SERGEF: variants seen among roughly 807,000 people sequenced by gnomAD.
The protein encoded by SERGEF is secretion-regulating guanine nucleotide exchange factor.
In SERGEF, 51 loss-of-function variants were observed where a neutral mutation model predicts 50.0. That is an observed-to-expected ratio of 1.02 (90% CI 0.81 to 1.29). The LOEUF is 1.29. SERGEF is among the 50% of genes most tolerant of loss of function. The probability of loss-of-function intolerance (pLI) is 0.00; values close to 1 mark genes in which losing one functional copy is unlikely to be tolerated. For missense variants in SERGEF, 521 were observed against 557.0 expected, an observed-to-expected ratio of 0.94 and a Z score of 0.65; for synonymous variants, 205 against 212.4, an observed-to-expected ratio of 0.97 and a Z score of 0.30.
Position 18,008,981 on chromosome 11 carries a change from C to T in SERGEF, c.61-905G>A, listed in dbSNP as rs1013698768. 2.0e-5 allele frequency among the ~76,000 whole-genome samples: 3 copies of T among 152,102 alleles called. No homozygotes were observed. The East Asian group carries it at 5.8e-4, about 29-fold the overall frequency. On this transcript the variant is annotated intron_variant, in intron 1 of 10. Transcript: ENST00000265965. Reference sequence around the variant, plus strand: ...TCTCTGGAGCTGTGGGCAAAACTGTCTCCCCTTGTCCTTGAGTAACCACGG... The same window carrying T: ...TCTCTGGAGCTGTGGGCAAAACTGTTTCCCCTTGTCCTTGAGTAACCACGG...
chr11:17,890,698 C>T (rs1194298046), intron 9 of SERGEF, among the ~76,000 whole-genome samples: 1 of 152,174 alleles, frequency 6.6e-6, no homozygotes, highest in Admixed American at 6.5e-5. Flanking sequence ...GTTGAGATTA[C>T]AGGCATGAGC....
chr11:18,011,525 T>C (rs1348129741), intron 1 of SERGEF, among the ~76,000 whole-genome samples: 2 of 152,058 alleles, frequency 1.3e-5, no homozygotes, highest in Admixed American at 1.3e-4. Context: ...TGTGAGAAAA[T>C]AAATTTCTGT....
At chr11:17,788,882 C>T (rs889858680) in intron 10 of SERGEF, among the ~76,000 whole-genome samples, 1 of 152,232 alleles carries the variant, frequency 6.6e-6, no homozygotes, top group African/African-American at 2.4e-5. Context: ...CAAAGAGCAT[C>T]AAGACAATCT....
chr11:17,897,588 T>A (rs1211913764), intron 9 of SERGEF, among the ~76,000 whole-genome samples: 1 of 152,140 alleles, frequency 6.6e-6, no homozygotes, highest in Non-Finnish European at 1.5e-5. Context: ...ACAACATGGA[T>A]GAATCTCAAA....
At chr11:17,931,791 T>G (rs1852357007) in intron 9 of SERGEF, among the ~76,000 whole-genome samples, 1 of 152,178 alleles carries the variant, frequency 6.6e-6, no homozygotes, top group Non-Finnish European at 1.5e-5. Flanking sequence ...CCTGGGAACT[T>G]GTTAGAAACC....
chr11:17,870,623 T>G (rs1169440687), intron 10 of SERGEF, among the ~76,000 whole-genome samples: 1 of 152,236 alleles, frequency 6.6e-6, no homozygotes, highest in African/African-American at 2.4e-5. Context: ...CCATTAATTT[T>G]ATGGTAATTT....
chr11:17,941,998 T>C (rs1170042576), intron 9 of SERGEF, among the ~76,000 whole-genome samples: 1 of 148,480 alleles, frequency 6.7e-6, no homozygotes, highest in Non-Finnish European at 1.5e-5. Flanking sequence ...TTGTTGTTGC[T>C]GAGACCTTGT....
chr11:17,927,943 G>A (rs1190362096), intron 9 of SERGEF, among the ~76,000 whole-genome samples: 1 of 152,238 alleles, frequency 6.6e-6, no homozygotes, highest in Non-Finnish European at 1.5e-5. Flanking sequence ...GTGATTAGAA[G>A]CAGCTGGCTA....
rs572140147 is a variant in SERGEF at position 17,903,936 on chromosome 11, C to T, written c.1012-25692G>A. 2.5e-4 allele frequency among the ~76,000 whole-genome samples: 38 copies of T among 152,364 alleles called. No individual in the cohort carries two copies. In the South Asian group the frequency reaches 7.9e-3, roughly 32 times the overall value. On this transcript the variant is annotated intron_variant, in intron 9 of 10. Transcript: ENST00000265965. ...AGGTAACAGCCATCAACTATGAACA[C>T]TATAATCCCTCCTTCACCTTGGCCG...
chr11:18,004,294 C>A, intron 4 of SERGEF, 147 bp downstream of exon 4: 1 of 540,654 alleles, frequency 1.8e-6, no homozygotes, highest in Non-Finnish European at 3.2e-6. Context: ...CTTAATTTTT[C>A]CCAGAAGGAC....
intron 10 of SERGEF, among the ~76,000 whole-genome samples, chr11:17,793,258 A>C (rs1008287836): frequency 6.6e-6 from 1 of 152,204 alleles, no homozygotes; most frequent in African/African-American, 2.4e-5. Context: ...GAGAAGGTCT[A>C]AAGTAGAATG....
At chr11:17,832,273 T>A (rs1850321909) in intron 10 of SERGEF, among the ~76,000 whole-genome samples, 2 of 152,126 alleles carry the variant, frequency 1.3e-5, no homozygotes. Flanking sequence ...TCTCATGAGA[T>A]CTGATGGTTT....
chr11:17,824,966 A>G (rs1426679951), intron 10 of SERGEF, among the ~76,000 whole-genome samples: 1 of 152,220 alleles, frequency 6.6e-6, no homozygotes, highest in South Asian at 2.1e-4. Context: ...CAATGTGCAC[A>G]CACTTTCTTA....
At position 17,974,840 on chromosome 11, in the gene SERGEF, G is replaced by A. The variant is rs924889419; in HGVS notation, c.844+13757C>T. 6.6e-5 allele frequency among the ~76,000 whole-genome samples: 10 copies of A among 152,304 alleles called. No homozygotes were observed. The East Asian group carries it at 1.7e-3, about 26-fold the overall frequency. The stretch of plus-strand genomic sequence containing the variant: ...CCCTGATATTAATTGGTGCTGTAAC[G>A]TTTTAAAGTTTTAGCATTCTAAAAA... On this transcript the variant is annotated intron_variant, in intron 8 of 10. Transcript: ENST00000265965.
chr11:17,851,787 C>T (rs1850720013), intron 10 of SERGEF, among the ~76,000 whole-genome samples: 2 of 152,090 alleles, frequency 1.3e-5, no homozygotes, highest in Non-Finnish European at 2.9e-5. Flanking sequence ...GGTGACTGTG[C>T]TGGACACTAA....
chr11:17,941,492 C>G (rs554278718), intron 9 of SERGEF, among the ~76,000 whole-genome samples: 5 of 152,256 alleles, frequency 3.3e-5, no homozygotes, highest in South Asian at 4.1e-4. Context: ...GAATGATATT[C>G]CATTGCATGT....
intron 10 of SERGEF, among the ~76,000 whole-genome samples, chr11:17,864,348 T>C (rs564619696): frequency 1.6e-4 from 25 of 152,274 alleles, no homozygotes; most frequent in Admixed American, 5.9e-4. Flanking sequence ...TGGTGTCATA[T>C]AGAATGACTC....
intron 9 of SERGEF, among the ~76,000 whole-genome samples, chr11:17,890,360 G>T (rs1851510317): frequency 6.6e-6 from 1 of 152,192 alleles, no homozygotes; most frequent in Non-Finnish European, 1.5e-5. Flanking sequence ...ACTCTGTAGT[G>T]CTGCATTATA....
At chr11:17,845,912 T>C (rs913041213) in intron 10 of SERGEF, among the ~76,000 whole-genome samples, 2 of 152,228 alleles carry the variant, frequency 1.3e-5, no homozygotes, top group African/African-American at 4.8e-5. Flanking sequence ...GCAGGAACTA[T>C]CTGTCTTGTT....
Sources: allele counts gnomAD v4.1 joint callset (sites outside exome capture counted in the v4.1 genomes callset), GRCh38; gene constraint gnomAD v4.1.1; transcripts MANE v1.5; gene names NCBI Gene and HGNC (gene_info 2026-07-23, HGNC 2026-07-21).